The following NFYC variants were observed in gnomAD, a reference collection of about 807,000 sequenced individuals.
The protein encoded by NFYC is CAAT box DNA-binding protein subunit C.
NFYC carries 25 observed loss-of-function variants against 53.1 expected under a neutral mutation model. The ratio of observed to expected loss-of-function variants is 0.47; its 90% CI spans 0.34 to 0.66. The LOEUF is 0.66. Ranked by LOEUF, NFYC falls within the 30% of genes least tolerant of loss-of-function variation. The pLI, the probability that NFYC is intolerant of heterozygous loss-of-function variation, is 0.01. For missense variants in NFYC, 260 were observed against 422.7 expected, an observed-to-expected ratio of 0.62 and a Z score of 3.38; for synonymous variants, 145 against 152.6, an observed-to-expected ratio of 0.95 and a Z score of 0.37.
At chr1:40,736,260 C>T (rs1290132519) in intron 1 of NFYC, among the ~76,000 whole-genome samples, 1 of 152,066 alleles carries the variant, frequency 6.6e-6, no homozygotes, top group East Asian at 1.9e-4. Context: ...TTTCTTTCCC[C>T]TCATCATTTC....
chr1:40,732,624 A>G lies in NFYC; in HGVS notation c.-8-6212A>G, dbSNP rs1014802199. The stretch of plus-strand genomic sequence containing the variant: ...TTCCCCTTCTTGCTAATGGATGGCC[A>G]GGCAGAGGTATTTATCTTCCTCCTA... On this transcript the variant is annotated intron_variant, in intron 1 of 9. Transcript: ENST00000447388. Among the ~76,000 whole-genome samples, 5 of 152,356 alleles carry G rather than the reference A, an allele frequency of 3.3e-5. No individual in the cohort carries two copies. The East Asian group carries it at 9.6e-4, about 29-fold the overall frequency.
At chr1:40,724,980 C>T (rs1474479993) in intron 1 of NFYC, among the ~76,000 whole-genome samples, 3 of 152,124 alleles carry the variant, frequency 2.0e-5, no homozygotes, top group Non-Finnish European at 4.4e-5. Flanking sequence ...TACCTTCAAA[C>T]GTCAAACTTG....
intron 1 of NFYC, among the ~76,000 whole-genome samples, chr1:40,722,524 G>T (rs1255758844): frequency 6.6e-6 from 1 of 152,178 alleles, no homozygotes; most frequent in Non-Finnish European, 1.5e-5. Context: ...TGGTCTTTAG[G>T]CTCGGTACTG....
intron 6 of NFYC, among the ~76,000 whole-genome samples, chr1:40,759,559 ATGTGTGTGTGTGTG>A (rs145020339): frequency 1.3e-5 from 2 of 149,320 alleles, no homozygotes; most frequent in South Asian, 4.2e-4. Context: ...AAAAAAGTAT[ATGTGTGTGTGTGTG>A]TGTATGTGTG....
At chr1:40,737,300 T>C (rs1645084357) in intron 1 of NFYC, among the ~76,000 whole-genome samples, 1 of 151,504 alleles carries the variant, frequency 6.6e-6, no homozygotes, top group African/African-American at 2.4e-5. Context: ...TTGCAGGTTC[T>C]AGCCCTCTTT....
rs570310240 is a variant in NFYC, at chr1:40,713,918, A to T, written c.-9+22051A>T. On this transcript the variant is annotated intron_variant, in intron 1 of 9. Coordinates refer to ENST00000447388, the MANE Select transcript of NFYC (RefSeq NM_014223.5). Reference sequence around the variant, plus strand: ...AGTCTTTACCTGAAGTGTGTTGGTTAGAAAGTCTGCTGCAGCAGATTTAGT... The same window carrying T: ...AGTCTTTACCTGAAGTGTGTTGGTTTGAAAGTCTGCTGCAGCAGATTTAGT... Among the ~76,000 whole-genome samples, 141 of 152,360 alleles carry T rather than the reference A, an allele frequency of 9.3e-4. 3 individuals are homozygous for T. Among genetic ancestry groups the T allele is most frequent in the South Asian group, 3.9e-3 (19 of 4,828 alleles).
intron 2 of NFYC, among the ~76,000 whole-genome samples, chr1:40,742,051 G>C (rs983824591): frequency 1.3e-5 from 2 of 151,522 alleles, no homozygotes; most frequent in African/African-American, 4.9e-5. Flanking sequence ...CTCTAGTTGT[G>C]CACCACCACA....
intron 6 of NFYC, among the ~76,000 whole-genome samples, chr1:40,760,084 G>C (rs1489330357): frequency 6.6e-6 from 1 of 152,150 alleles, no homozygotes; most frequent in African/African-American, 2.4e-5. Context: ...GCCTCCCGAG[G>C]AGCTGGGACT....
At chr1:40,707,866 A>T (rs1312073155) in intron 1 of NFYC, among the ~76,000 whole-genome samples, 1 of 150,976 alleles carries the variant, frequency 6.6e-6, no homozygotes, top group Non-Finnish European at 1.5e-5. Context: ...AAAAAAAAAA[A>T]GAATGAAAGA....
chr1:40,768,057 G>A (rs1646908873), intron 8 of NFYC, among the ~76,000 whole-genome samples: 1 of 152,210 alleles, frequency 6.6e-6, no homozygotes, highest in Admixed American at 6.5e-5. Context: ...AAGCAAGAAA[G>A]TGGTAGCTGA....
chr1:40,697,811 T>A (rs965047173), intron 1 of NFYC, among the ~76,000 whole-genome samples: 4 of 152,206 alleles, frequency 2.6e-5, no homozygotes, highest in African/African-American at 9.7e-5. Context: ...GTTGCAGGAA[T>A]TGTTGCACCC....
intron 2 of NFYC, among the ~76,000 whole-genome samples, chr1:40,744,951 A>G (rs536916288): frequency 6.7e-4 from 102 of 152,314 alleles, no homozygotes; most frequent in African/African-American, 2.3e-3. Context: ...GTCAACAGGG[A>G]TGAACCATAC....
chr1:40,702,885 C>T (rs779147678), intron 1 of NFYC, among the ~76,000 whole-genome samples: 32 of 151,814 alleles, frequency 2.1e-4, no homozygotes, highest in Non-Finnish European at 4.0e-4. Flanking sequence ...GGCATGATCT[C>T]GGCTCACTGC....
rs148986363 is a variant in NFYC, at chr1:40,706,931, A to G, written c.-9+15064A>G. On this transcript the variant is annotated intron_variant, in intron 1 of 9. Transcript: ENST00000447388. ...ATGCCTGTAATCCCAGCACTTTGGG[A>G]GACCGAGGTGGGTAGGTTTTCTGAG... Among the ~76,000 whole-genome samples the G allele has an allele frequency of 1.2e-3, 179 of 152,262 alleles. 4 individuals carry two copies. The highest frequency in any genetic ancestry group is 4.2e-3 in the African/African-American group (176 of 41,536).
intron 1 of NFYC, among the ~76,000 whole-genome samples, chr1:40,697,537 G>A (rs954122057): frequency 5.1e-4 from 77 of 152,190 alleles, no homozygotes; most frequent in African/African-American, 1.8e-3. Context: ...ATTGCGATGC[G>A]ATGAAAACTT....
intron 1 of NFYC, among the ~76,000 whole-genome samples, chr1:40,708,146 GATT>G (rs1402906554): frequency 2.0e-5 from 3 of 151,900 alleles, no homozygotes; most frequent in Admixed American, 6.6e-5. Flanking sequence ...ATAACCTAGC[GATT>G]ATTTAAAGTA....
chr1:40,702,104 C>T (rs1402477768), intron 1 of NFYC, among the ~76,000 whole-genome samples: 4 of 152,172 alleles, frequency 2.6e-5, no homozygotes, highest in African/African-American at 9.7e-5. Flanking sequence ...TGAAGCGAGT[C>T]TTTGCAGAAT....
At chr1:40,714,095 A>G (rs899778861) in intron 1 of NFYC, among the ~76,000 whole-genome samples, 6 of 152,356 alleles carry the variant, frequency 3.9e-5, no homozygotes, top group African/African-American at 7.2e-5. Context: ...AGGGTATACA[A>G]ACACATCACC....
rs1003436992 is a variant in NFYC at position 40,713,447 on chromosome 1, G to T, written c.-9+21580G>T. 3.3e-5 allele frequency among the ~76,000 whole-genome samples: 5 copies of T among 151,864 alleles called. No individual in the cohort carries two copies. The East Asian group carries it at 9.6e-4, about 29-fold the overall frequency. On this transcript the variant is annotated intron_variant, in intron 1 of 9. Transcript: ENST00000447388. Reference sequence around the variant, plus strand: ...GCTTTTGTTTTTAAAACAAGATGAGGTCTCCCTTTTAAAGAGGCTAAATAC... The same window carrying T: ...GCTTTTGTTTTTAAAACAAGATGAGTTCTCCCTTTTAAAGAGGCTAAATAC...
Sources: allele counts gnomAD v4.1 joint callset (sites outside exome capture counted in the v4.1 genomes callset), GRCh38; gene constraint gnomAD v4.1.1; transcripts MANE v1.5; gene names NCBI Gene and HGNC (gene_info 2026-07-23, HGNC 2026-07-21).